The following VWC2 variants were observed in gnomAD, a reference collection of about 807,000 sequenced individuals.
The protein encoded by VWC2 is brorin.
VWC2 carries 14 observed loss-of-function variants against 29.8 expected under a neutral mutation model. The observed-to-expected ratio is 0.47, with a 90% CI of 0.31 to 0.74. The LOEUF (loss-of-function observed/expected upper bound fraction) is 0.74. Among genes scored for constraint, VWC2 ranks in the 30% least tolerant of loss-of-function variants. The pLI, the probability that VWC2 is intolerant of heterozygous loss-of-function variation, is 0.05. For synonymous variants in VWC2, 213 were observed against 199.0 expected (o/e 1.07, Z -0.59); for missense variants, 457 against 459.8 (o/e 0.99, Z 0.05).
At chr7:49,857,002 A>G (rs1363488710) in intron 3 of VWC2, among the ~76,000 whole-genome samples, 1 of 107,570 alleles carries the variant, frequency 9.3e-6, no homozygotes. Flanking sequence ...AGAGCCAGAT[A>G]CTGTCTCAAA....
chr7:49,877,183 C>T (rs770130674), intron 3 of VWC2, among the ~76,000 whole-genome samples: 10 of 151,818 alleles, frequency 6.6e-5, no homozygotes, highest in Non-Finnish European at 8.8e-5. Context: ...TATTTGGGGC[C>T]GGGCGTAATG....
At chr7:49,793,200 T>C (rs184616806) in intron 2 of VWC2, among the ~76,000 whole-genome samples, 1 of 152,360 alleles carries the variant, frequency 6.6e-6, no homozygotes, top group East Asian at 1.9e-4. Flanking sequence ...TAAATGACCT[T>C]TGATATGGAA....
At chr7:49,877,565 T>C (rs550308789) in intron 3 of VWC2, among the ~76,000 whole-genome samples, 2 of 137,562 alleles carry the variant, frequency 1.5e-5, no homozygotes, top group East Asian at 2.2e-4. Flanking sequence ...TCTTCCTTTT[T>C]TTTATGATTG....
At position 49,901,688 on chromosome 7, in the gene VWC2, G is replaced by A. The variant is rs115175641; in HGVS notation, c.827-10346G>A. On this transcript the variant is annotated intron_variant, in intron 3 of 3. Coordinates refer to ENST00000340652, the MANE Select transcript of VWC2 (RefSeq NM_198570.5). ...GAAGCAATTTTATAGTTATCAAAAC[G>A]GATCCTGTTTTATCTGGAGGGGCAA... 1.8e-3 allele frequency among the ~76,000 whole-genome samples: 273 copies of A among 151,830 alleles called. 1 individual carries two copies. Among genetic ancestry groups the A allele is most frequent in the African/African-American group, 6.3e-3 (260 of 41,472 alleles).
intron 3 of VWC2, among the ~76,000 whole-genome samples, chr7:49,849,603 T>A (rs941015417): frequency 7.9e-5 from 12 of 152,254 alleles, no homozygotes; most frequent in Admixed American, 7.8e-4. Flanking sequence ...AATGTAAATG[T>A]TCTAACCAAG....
At position 49,804,172 on chromosome 7, in the gene VWC2, T is replaced by TA. The variant is rs1381153901; in HGVS notation, c.826+1343dup. Among the ~76,000 whole-genome samples the TA allele has an allele frequency of 1.1e-3, 159 of 146,718 alleles. 1 individual carries two copies. Among genetic ancestry groups the TA allele is most frequent in the Middle Eastern group, 3.4e-3 (1 of 290 alleles). ...TTGAGCATGGAGTGTGTTTTTTTTT[T>TA]AAAAAAAAAAATGATGTTGAGACAC... is the stretch of plus-strand genomic sequence containing the variant. On this transcript the variant is annotated intron_variant, in intron 3 of 3. Coordinates refer to ENST00000340652, the MANE Select transcript of VWC2 (RefSeq NM_198570.5).
intron 3 of VWC2, among the ~76,000 whole-genome samples, chr7:49,853,452 A>C (rs1790280139): frequency 6.6e-6 from 1 of 152,122 alleles, no homozygotes; most frequent in Non-Finnish European, 1.5e-5. Context: ...GGGGCATATT[A>C]GGGACCCAAA....
chr7:49,889,521 A>G (rs1334371457), intron 3 of VWC2, among the ~76,000 whole-genome samples: 1 of 152,198 alleles, frequency 6.6e-6, no homozygotes, highest in East Asian at 1.9e-4. Flanking sequence ...CCAGTGAAAG[A>G]AGGAGTCCCG....
At chr7:49,818,718 A>T (rs1275414589) in intron 3 of VWC2, among the ~76,000 whole-genome samples, 3 of 151,352 alleles carry the variant, frequency 2.0e-5, no homozygotes, top group Non-Finnish European at 4.4e-5. Flanking sequence ...AAAATTGAAG[A>T]TAAAAATATA....
intron 3 of VWC2, among the ~76,000 whole-genome samples, chr7:49,872,889 C>A (rs1315234122): frequency 9.5e-6 from 1 of 105,186 alleles, no homozygotes; most frequent in Non-Finnish European, 1.8e-5. Context: ...GCACTCCAGC[C>A]TGGGAGACAG....
chr7:49,826,936 T>A (rs1035945378), intron 3 of VWC2, among the ~76,000 whole-genome samples: 59 of 152,240 alleles, frequency 3.9e-4, no homozygotes, highest in African/African-American at 1.4e-3. Flanking sequence ...TTCGGTGTAT[T>A]TTCTTAGGCA....
At chr7:49,877,481 A>AAATATAT in intron 3 of VWC2, among the ~76,000 whole-genome samples, 1 of 12,722 alleles carries the variant, frequency 7.9e-5, no homozygotes, top group Admixed American at 1.4e-3. Context: ...AAAAAAAAAA[A>AAATATAT]ATATATATAT....
chr7:49,897,163 G>A, intron 3 of VWC2, among the ~76,000 whole-genome samples: 1 of 151,996 alleles, frequency 6.6e-6, no homozygotes, highest in African/African-American at 2.4e-5. Context: ...CCAAAGTGCT[G>A]GGATTACAGG....
chr7:49,786,707 TATG>T (rs1771374941), intron 2 of VWC2, among the ~76,000 whole-genome samples: 2 of 152,206 alleles, frequency 1.3e-5, no homozygotes, highest in South Asian at 4.1e-4. Context: ...TCATTGTGAT[TATG>T]ATTTGTGTTT....
At chr7:49,810,508 C>T (rs57023092) in intron 3 of VWC2, among the ~76,000 whole-genome samples, 3,637 of 152,142 alleles carry the variant, frequency 0.024, 153 homozygotes, top group African/African-American at 0.081. Context: ...TCCCAGCATA[C>T]GTTTTTTGTA....
rs1793990793 is a variant in VWC2, at chr7:49,920,921, C to T, written c.*8736C>T. 6.6e-6 allele frequency: 1 copy of T among 152,048 alleles called. No individual in the cohort carries two copies. The highest frequency in any genetic ancestry group is 2.4e-5 in the African/African-American group (1 of 41,388). The allele number at this position is 152,048 out of a possible 1,614,324, so 9.4% of individuals were successfully genotyped here. On this transcript the variant is annotated 3_prime_UTR_variant, in exon 4 of 4. Transcript: ENST00000340652. The stretch of plus-strand genomic sequence containing the variant: ...AGGGGAAATGTACTAAAATGTTGTA[C>T]TTATTACATTTATGAATTTCTGACA...
At chr7:49,861,033 ACT>A (rs1790631719) in intron 3 of VWC2, among the ~76,000 whole-genome samples, 1 of 152,142 alleles carries the variant, frequency 6.6e-6, no homozygotes, top group Non-Finnish European at 1.5e-5. Context: ...TAAGAAAGTA[ACT>A]CTGTTTTAAT....
chr7:49,878,943 T>C (rs1791560120), intron 3 of VWC2, among the ~76,000 whole-genome samples: 1 of 152,200 alleles, frequency 6.6e-6, no homozygotes, highest in Non-Finnish European at 1.5e-5. Flanking sequence ...TTTGTCCCTT[T>C]ACAGAAAAGT....
intron 3 of VWC2, among the ~76,000 whole-genome samples, chr7:49,894,176 T>C (rs1200241430): frequency 1.9e-5 from 2 of 107,808 alleles, no homozygotes; most frequent in African/African-American, 3.6e-5. Flanking sequence ...TTCTTTCTTT[T>C]GACAGGTTCT....
Sources: allele counts gnomAD v4.1 joint callset (sites outside exome capture counted in the v4.1 genomes callset), GRCh38; gene constraint gnomAD v4.1.1; transcripts MANE v1.5; gene names NCBI Gene and HGNC (gene_info 2026-07-23, HGNC 2026-07-21).